Variants in TRPC7 observed in about 807,000 individuals in gnomAD.
The protein encoded by TRPC7 is transient receptor potential cation channel subfamily C member 7.
Under a neutral mutation model 90.1 loss-of-function variants are expected in TRPC7, and 42 were observed. The observed-to-expected ratio is 0.47, with a 90% CI of 0.36 to 0.60. The LOEUF (loss-of-function observed/expected upper bound fraction) is 0.60, where lower values mean the gene tolerates loss of function less well. TRPC7 is among the 20% of genes least tolerant of loss of function. The probability of loss-of-function intolerance (pLI) is 0.00; values close to 1 mark genes in which losing one functional copy is unlikely to be tolerated. For missense variants in TRPC7, 955 were observed against 1,112.3 expected (o/e 0.86, Z 2.01); for synonymous variants, 451 against 436.3 (o/e 1.03, Z -0.42).
chr5:136,244,615 A>C (rs1756277610), intron 7 of TRPC7, among the ~76,000 whole-genome samples: 2 of 152,232 alleles, frequency 1.3e-5, no homozygotes. Context: ...GAAACACAGG[A>C]GGGACACCAG....
chr5:136,219,599 C>G (rs1269364878), intron 10 of TRPC7, among the ~76,000 whole-genome samples: 1 of 152,168 alleles, frequency 6.6e-6, no homozygotes, highest in Non-Finnish European at 1.5e-5. Context: ...AACCCCATCT[C>G]TACTAAAAAT....
chr5:136,363,782 C>T (rs923480644), intron 1 of TRPC7, among the ~76,000 whole-genome samples: 1 of 152,050 alleles, frequency 6.6e-6, no homozygotes, highest in African/African-American at 2.4e-5. Flanking sequence ...TCCTAGGTAC[C>T]ACCTATCCAA....
At position 136,306,666 on chromosome 5, in the gene TRPC7, T is replaced by C. The variant is rs557508154; in HGVS notation, c.963+8931A>G. On this transcript the variant is annotated intron_variant, in intron 3 of 11. Transcript: ENST00000513104. ...TGAAGATCCACAAAAGAGGTAAAAA[T>C]AATATTAACTGATGACATTCCACCA... 1.8e-4 allele frequency among the ~76,000 whole-genome samples: 28 copies of C among 152,054 alleles called. No individual in the cohort carries two copies. The South Asian group carries it at 2.7e-3, about 15-fold the overall frequency.
chr5:136,251,597 C>T (rs1355886223), intron 6 of TRPC7, 52 bp downstream of exon 6: 25 of 1,403,528 alleles, frequency 1.8e-5, no homozygotes, highest in Middle Eastern at 2.0e-4. Flanking sequence ...AAGCACCAGG[C>T]CCACGTCCCG....
At chr5:136,226,325 G>T in intron 8 of TRPC7, 70 bp from the exon 9 acceptor site, 2 of 1,121,726 alleles carry the variant, frequency 1.8e-6, no homozygotes. Flanking sequence ...AACCTGAGGA[G>T]CAGAGACACA....
intron 8 of TRPC7, 189 bp from the exon 9 acceptor site, chr5:136,226,444 T>C: frequency 1.7e-6 from 1 of 593,060 alleles, no homozygotes; most frequent in Non-Finnish European, 3.0e-6. Context: ...CAATGGTCAC[T>C]TTCTGCCTGT....
Position 136,256,119 on chromosome 5 carries a change from A to G in TRPC7, c.1346-4237T>C, listed in dbSNP as rs528153044. On this transcript the variant is annotated intron_variant, in intron 5 of 11. Coordinates refer to ENST00000513104, the MANE Select transcript of TRPC7 (RefSeq NM_020389.3). ...GAAACAATTCCAGCTCAGTGACCAC[A>G]CACTCCCTAGAGGCTAACACCGATA... Among the ~76,000 whole-genome samples, 4 of 152,310 alleles carry G rather than the reference A, an allele frequency of 2.6e-5. No homozygotes were observed. In the South Asian group the frequency reaches 8.3e-4, roughly 32 times the overall value.
intron 5 of TRPC7, among the ~76,000 whole-genome samples, chr5:136,254,946 T>C (rs762502462): frequency 5.3e-5 from 8 of 152,274 alleles, no homozygotes; most frequent in Middle Eastern, 3.4e-3. Context: ...TTCAAGACTT[T>C]AGTAGAGGAA....
intron 2 of TRPC7, among the ~76,000 whole-genome samples, chr5:136,334,470 T>C (rs1759589762): frequency 6.6e-6 from 1 of 152,232 alleles, no homozygotes; most frequent in Admixed American, 6.5e-5. Context: ...CATTTCACTT[T>C]GGTGCTTCTG....
At chr5:136,217,339 G>A (rs1320346224) in intron 10 of TRPC7, among the ~76,000 whole-genome samples, 1 of 152,210 alleles carries the variant, frequency 6.6e-6, no homozygotes, top group East Asian at 1.9e-4. Flanking sequence ...AAGTGAACTG[G>A]ATGCAAAGAG....
intron 7 of TRPC7, among the ~76,000 whole-genome samples, chr5:136,232,094 T>G (rs968021141): frequency 1.3e-5 from 2 of 152,212 alleles, no homozygotes. Context: ...TCAATCCATT[T>G]ATTGGGACTC....
At chr5:136,309,190 A>G (rs1214523327) in intron 3 of TRPC7, among the ~76,000 whole-genome samples, 2 of 152,212 alleles carry the variant, frequency 1.3e-5, no homozygotes, top group South Asian at 2.1e-4. Context: ...CTCCCAGCCC[A>G]TGTCTATGAA....
chr5:136,270,726 T>C (rs2149813979), intron 4 of TRPC7, among the ~76,000 whole-genome samples: 1 of 152,316 alleles, frequency 6.6e-6, no homozygotes, highest in East Asian at 1.9e-4. Context: ...GGAGAAATGT[T>C]GCAGGGCTCA....
chr5:136,270,438 T>G (rs1757171889), intron 4 of TRPC7, among the ~76,000 whole-genome samples: 1 of 152,174 alleles, frequency 6.6e-6, no homozygotes, highest in Admixed American at 6.5e-5. Flanking sequence ...TATATGGCAC[T>G]GGAGGGTCTC....
At chr5:136,289,662 G>C (rs1264443951) in intron 3 of TRPC7, among the ~76,000 whole-genome samples, 2 of 152,222 alleles carry the variant, frequency 1.3e-5, no homozygotes, top group Non-Finnish European at 2.9e-5. Context: ...GAACTGGGTG[G>C]AGCCCACCAT....
intron 10 of TRPC7, among the ~76,000 whole-genome samples, chr5:136,221,498 G>A (rs1755459978): frequency 6.6e-6 from 1 of 152,204 alleles, no homozygotes; most frequent in Admixed American, 6.5e-5. Context: ...CTATGGGAGA[G>A]ACAACTCTCC....
intron 3 of TRPC7, among the ~76,000 whole-genome samples, chr5:136,300,464 C>T (rs549335416): frequency 1.8e-4 from 27 of 152,308 alleles, no homozygotes; most frequent in Admixed American, 1.3e-3. Flanking sequence ...GGAAGCTACT[C>T]GCCTCTCTGC....
rs999829654 is a variant in TRPC7 at position 136,315,658 on chromosome 5, G to C, written c.902C>G (p.Ser301Cys). ...GCTCAGACTTGGACGGTGGTGGTCGGACCAGACTTGGAAGTTCACATCACC... is the reference window on the plus strand; with the variant it reads ...GCTCAGACTTGGACGGTGGTGGTCGCACCAGACTTGGAAGTTCACATCACC... ...LNGDVNFQVW[S>C]DHHRPSLSRI... Residue 301 changes from serine (S) to cysteine (C), a missense_variant, in exon 3 of 12, where the codon TCC (serine) becomes TGC (cysteine). Coordinates refer to ENST00000513104, the MANE Select transcript of TRPC7 (RefSeq NM_020389.3). The C allele has an allele frequency of 1.2e-6, 2 of 1,613,830 alleles. No individual in the cohort carries two copies. Among genetic ancestry groups the C allele is most frequent in the Non-Finnish European group, 1.7e-6 (2 of 1,179,864 alleles).
chr5:136,274,620 T>A, intron 4 of TRPC7, 53 bp downstream of exon 4: 1 of 1,504,622 alleles, frequency 6.6e-7, no homozygotes, highest in Non-Finnish European at 8.9e-7. Flanking sequence ...CAGATCATGC[T>A]AAGAAGAGAG....
Sources: gnomAD v4.1 joint callset for allele counts (sites outside exome capture counted in the v4.1 genomes callset) on GRCh38, gnomAD v4.1.1 for gene constraint, MANE v1.5 for transcripts, NCBI Gene and HGNC (gene_info 2026-07-23, HGNC 2026-07-21) for gene names.